The following DMD variants were observed in gnomAD, a reference collection of about 807,000 sequenced individuals.
The protein encoded by DMD is mutant dystrophin.
In DMD, 63 loss-of-function variants were observed where a neutral mutation model predicts 330.1. That is an observed-to-expected ratio of 0.19 (90% CI 0.16 to 0.24). DMD has a LOEUF of 0.24. Among genes scored for constraint, DMD ranks in the 10% least tolerant of loss-of-function variants. DMD has a pLI of 1.00. For missense variants in DMD, 3,344 were observed against 2,684.1 expected, an observed-to-expected ratio of 1.25 and a Z score of -5.43; for synonymous variants, 1,223 against 959.8, an observed-to-expected ratio of 1.27 and a Z score of -5.07.
chrX:33,007,062 A>T (rs1391269052), intron 2 of DMD, among the ~76,000 whole-genome samples: 1 of 110,695 alleles, frequency 9.0e-6, no homozygotes. Flanking sequence ...CCCAGCCTTC[A>T]TTACTACATT....
intron 48 of DMD, among the ~76,000 whole-genome samples, chrX:31,866,222 A>G (rs774835676): frequency 1.3e-3 from 148 of 111,239 alleles, no homozygotes; most frequent in African/African-American, 4.5e-3. Flanking sequence ...TTGTCCATCC[A>G]TGACAGACCT....
intron 39 of DMD, among the ~76,000 whole-genome samples, chrX:32,344,666 T>C (rs1469473891): frequency 5.4e-5 from 6 of 111,300 alleles, no homozygotes. Flanking sequence ...ATCTGAAACA[T>C]CTTTCATTTC....
At chrX:32,964,634 G>A (rs1357466237) in intron 2 of DMD, among the ~76,000 whole-genome samples, 1 of 111,039 alleles carries the variant, frequency 9.0e-6, no homozygotes, top group Non-Finnish European at 1.9e-5. Flanking sequence ...CTTGAACCTG[G>A]GAGGCAGAGG....
chrX:32,372,031 G>C (rs1451707439), intron 34 of DMD, among the ~76,000 whole-genome samples: 1 of 111,249 alleles, frequency 9.0e-6, no homozygotes, highest in East Asian at 2.8e-4. Flanking sequence ...TTGGTATAGT[G>C]GAAAAAACTG....
chrX:33,330,996 C>G (rs991614355), intron 1 of DMD, among the ~76,000 whole-genome samples: 1 of 111,956 alleles, frequency 8.9e-6, no homozygotes, highest in Non-Finnish European at 1.9e-5. Context: ...TCTTCTCATC[C>G]ACATAAACCA....
chrX:32,110,824 T>G (rs1432926299), intron 44 of DMD, among the ~76,000 whole-genome samples: 1 of 112,097 alleles, frequency 8.9e-6, no homozygotes, highest in Non-Finnish European at 1.9e-5. Flanking sequence ...AATGTGATCC[T>G]CCTTTATAAA....
At chrX:31,176,762 A>C (rs748718125) in intron 71 of DMD, among the ~76,000 whole-genome samples, 2 of 111,614 alleles carry the variant, frequency 1.8e-5, no homozygotes, top group East Asian at 5.6e-4. Flanking sequence ...ATGATGATTA[A>C]ATAAATCAGA....
intron 43 of DMD, among the ~76,000 whole-genome samples, chrX:32,244,670 A>G (rs377218027): frequency 1.4e-3 from 128 of 92,869 alleles, no homozygotes; most frequent in African/African-American, 4.3e-3. Flanking sequence ...GTGTGAGATG[A>G]TATCTCATAG....
intron 43 of DMD, among the ~76,000 whole-genome samples, chrX:32,237,232 GAGAT>G (rs951842811): frequency 3.6e-5 from 4 of 111,157 alleles, no homozygotes; most frequent in African/African-American, 1.3e-4. Flanking sequence ...TGTACAGTGT[GAGAT>G]AGGGATCTAA....
At chrX:31,832,149 T>C (rs878007) in intron 49 of DMD, among the ~76,000 whole-genome samples, 26,039 of 111,119 alleles carry the variant, frequency 0.23, 2,286 homozygotes, top group East Asian at 0.36. Context: ...GTAAATGAGA[T>C]TGTACGCATG....
chrX:32,515,913 C>T (rs1445151001), intron 18 of DMD, among the ~76,000 whole-genome samples: 1 of 111,612 alleles, frequency 9.0e-6, no homozygotes, highest in Non-Finnish European at 1.9e-5. Flanking sequence ...ATGAATAAAA[C>T]ACATGGTGAA....
chrX:32,901,906 C>T (rs1414648134), intron 2 of DMD, among the ~76,000 whole-genome samples: 1 of 109,921 alleles, frequency 9.1e-6, no homozygotes, highest in Non-Finnish European at 1.9e-5. Flanking sequence ...AGTGATTACA[C>T]CCTTAATCTT....
chrX:32,903,628 C>G (rs900031131), intron 2 of DMD, among the ~76,000 whole-genome samples: 1 of 111,164 alleles, frequency 9.0e-6, no homozygotes, highest in East Asian at 2.8e-4. Flanking sequence ...AGGTTGCTAA[C>G]GGCTGTGTTA....
At chrX:32,646,035 C>A (rs910582117) in intron 9 of DMD, among the ~76,000 whole-genome samples, 1 of 111,609 alleles carries the variant, frequency 9.0e-6, no homozygotes, top group African/African-American at 3.3e-5. Flanking sequence ...TTAGAAAAAT[C>A]TGGTGAGAAA....
At chrX:32,427,062 T>C (rs1289021450) in intron 29 of DMD, among the ~76,000 whole-genome samples, 1 of 111,458 alleles carries the variant, frequency 9.0e-6, no homozygotes, top group African/African-American at 3.3e-5. Context: ...TGACACACTG[T>C]TTACCTGTAT....
At chrX:32,834,043 T>C (rs947260065) in intron 4 of DMD, among the ~76,000 whole-genome samples, 1 of 111,535 alleles carries the variant, frequency 9.0e-6, no homozygotes, top group African/African-American at 3.2e-5. Flanking sequence ...TGTTTGTATA[T>C]TTGTATCTTC....
Position 31,323,872 on chromosome X carries a change from G to GA in DMD, c.9164-215dup, listed in dbSNP as rs200476648. ...ATTCAGGCACAAAGATAAATGCGAA[G>GA]AAAAAAAAAACCCACAAACATTTCC... On this transcript the variant is annotated intron_variant, in intron 61 of 78. Transcript: ENST00000357033. Among the ~76,000 whole-genome samples the GA allele has an allele frequency of 6.7e-3, 695 of 104,285 alleles. 10 individuals are homozygous for GA. The highest frequency in any genetic ancestry group is 0.055 in the Admixed American group (537 of 9,737). 90.6% of individuals were successfully genotyped at this position (104,285 alleles called of 115,157 possible).
At chrX:32,248,854 G>A (rs2097252577) in intron 43 of DMD, among the ~76,000 whole-genome samples, 1 of 110,858 alleles carries the variant, frequency 9.0e-6, no homozygotes, top group South Asian at 3.8e-4. Flanking sequence ...AAAGATATAG[G>A]CATTGCTCTT....
At chrX:32,558,708 C>G (rs2050603523) in intron 16 of DMD, among the ~76,000 whole-genome samples, 1 of 111,049 alleles carries the variant, frequency 9.0e-6, no homozygotes, top group African/African-American at 3.3e-5. Context: ...GCCTAGCTTA[C>G]CTTTCCTTTA....
Sources: gnomAD v4.1 joint callset for allele counts (sites outside exome capture counted in the v4.1 genomes callset) on GRCh38, gnomAD v4.1.1 for gene constraint, MANE v1.5 for transcripts, NCBI Gene and HGNC (gene_info 2026-07-23, HGNC 2026-07-21) for gene names.